The following NPAS3 variants were observed in gnomAD, a reference collection of about 807,000 sequenced individuals.
NPAS3 encodes the protein neuronal PAS domain-containing protein 3.
Under a neutral mutation model 73.1 loss-of-function variants are expected in NPAS3, and 14 were observed. The observed-to-expected ratio is 0.19, with a 90% confidence interval of 0.13 to 0.30. NPAS3 has a LOEUF of 0.30. Among genes scored for constraint, NPAS3 ranks in the 10% least tolerant of loss-of-function variants. The pLI is 1.00. For synonymous variants in NPAS3, 620 were observed against 541.5 expected (o/e 1.14, Z -2.01); for missense variants, 1,096 against 1,250.0 (o/e 0.88, Z 1.86).
intron 1 of NPAS3, among the ~76,000 whole-genome samples, chr14:33,000,324 A>G (rs1042458573): frequency 6.6e-6 from 1 of 152,188 alleles, no homozygotes; most frequent in Non-Finnish European, 1.5e-5. Flanking sequence ...TTCAGGCTCA[A>G]ATGCCGACTA....
intron 6 of NPAS3, among the ~76,000 whole-genome samples, chr14:33,711,269 C>G: frequency 6.6e-6 from 1 of 152,172 alleles, no homozygotes; most frequent in East Asian, 1.9e-4. Flanking sequence ...ATTTTGAATT[C>G]AGCATGCAGT....
At chr14:33,516,363 G>T (rs184604644) in intron 4 of NPAS3, among the ~76,000 whole-genome samples, 3 of 152,138 alleles carry the variant, frequency 2.0e-5, no homozygotes, top group Non-Finnish European at 4.4e-5. Flanking sequence ...TTCTTTACTT[G>T]CTTAGTCTGT....
chr14:33,354,325 A>G (rs1323497993), intron 3 of NPAS3, among the ~76,000 whole-genome samples: 1 of 152,076 alleles, frequency 6.6e-6, no homozygotes, highest in Admixed American at 6.5e-5. Context: ...CAAGATCTTC[A>G]GGGCTCTCCC....
chr14:33,239,864 T>G (rs915708859), intron 3 of NPAS3, among the ~76,000 whole-genome samples: 4 of 72,710 alleles, frequency 5.5e-5, no homozygotes, highest in African/African-American at 2.2e-4. Context: ...TTAGAAATAG[T>G]TTTTTTTTCA....
chr14:33,246,021 A>T (rs1239349049), intron 3 of NPAS3, among the ~76,000 whole-genome samples: 1 of 151,688 alleles, frequency 6.6e-6, no homozygotes, highest in African/African-American at 2.4e-5. Context: ...ACAACTTTAT[A>T]GTTGGCAGTG....
chr14:33,497,898 G>T (rs550407052), intron 4 of NPAS3, among the ~76,000 whole-genome samples: 1 of 152,116 alleles, frequency 6.6e-6, no homozygotes, highest in Non-Finnish European at 1.5e-5. Flanking sequence ...GACCGTCAGA[G>T]TGAACAGGCA....
rs752031354 is a variant in NPAS3 at position 33,517,587 on chromosome 14, C to A, written c.469-42534C>A. ...TCTCCCACACCTGTAAAGCTTCTCTCTAAAGGTTCAACTCAGGCATCATTT... is the reference window on the plus strand; with the variant it reads ...TCTCCCACACCTGTAAAGCTTCTCTATAAAGGTTCAACTCAGGCATCATTT... On this transcript the variant is annotated intron_variant, in intron 4 of 11. Transcript: ENST00000356141. Among the ~76,000 whole-genome samples, 4 of 152,186 alleles carry A rather than the reference C, an allele frequency of 2.6e-5. No individual in the cohort carries two copies. The East Asian group carries it at 5.8e-4, about 22-fold the overall frequency.
chr14:33,526,274 C>T (rs2053797852), intron 4 of NPAS3, among the ~76,000 whole-genome samples: 1 of 145,286 alleles, frequency 6.9e-6, no homozygotes, highest in Non-Finnish European at 1.5e-5. Context: ...ATAATAAACT[C>T]ACAGTATACT....
rs145943051 is a variant in NPAS3 at position 33,778,085 on chromosome 14, G to A, written c.1047-381G>A. 5.8e-3 allele frequency among the ~76,000 whole-genome samples: 887 copies of A among 152,240 alleles called. 10 individuals are homozygous for A. Among genetic ancestry groups the A allele is most frequent in the Non-Finnish European group, 8.8e-3 (598 of 68,022 alleles). On this transcript the variant is annotated intron_variant, in intron 8 of 11. Coordinates refer to ENST00000356141, the Ensembl canonical transcript of NPAS3. ...AATGAAAGGTGTCTCTAATCATTTGGTATAAACATAACATGTTTTTATTTT... is the reference window on the plus strand; with the variant it reads ...AATGAAAGGTGTCTCTAATCATTTGATATAAACATAACATGTTTTTATTTT...
rs368102183 is a variant in NPAS3, at chr14:33,800,404, T to G, written c.2097T>G (p.Gly699=). ...TCCCGTCCCCGCAGGGCGGCGGCGG[T>G]GGGGGTGGCGGTGGCGGGGGGCTGC... The change falls in exon 12 of 12, where the codon GGT becomes GGG. Residue 699 remains glycine (G), a synonymous_variant. Transcript: ENST00000356141. This position sits in a 1 kb window ranked among gnomAD's most constrained non-coding sequence, Gnocchi z 6.5. 1,001 of 1,590,350 alleles carry G rather than the reference T, an allele frequency of 6.3e-4. 5 individuals are homozygous for G. The Middle Eastern group carries it at 0.017, about 27-fold the overall frequency.
chr14:33,800,961 TCG>T lies in NPAS3; in HGVS notation c.2655_2656del (p.Phe885LeufsTer8). The T allele has an allele frequency of 6.2e-7, 1 of 1,600,228 alleles. No homozygotes were observed. Among genetic ancestry groups the T allele is most frequent in the Non-Finnish European group, 8.5e-7 (1 of 1,174,190 alleles). On this transcript the variant is annotated frameshift_variant, in exon 12 of 12. Coordinates refer to ENST00000356141, the Ensembl canonical transcript of NPAS3. LOFTEE classifies it high-confidence loss of function. The surrounding 1 kb of genome is among the most constrained non-coding windows in gnomAD (Gnocchi z 6.5). The stretch of plus-strand genomic sequence containing the variant: ...CACCGGCTCAACATGTCAGGACCGT[TCG>T]GCGGCGCAGTGAGCGCAGCTAGCCT...
rs575583978 is a variant in NPAS3 at position 33,428,947 on chromosome 14, A to T, written c.468+61679A>T. On this transcript the variant is annotated intron_variant, in intron 4 of 11. Coordinates refer to ENST00000356141, the Ensembl canonical transcript of NPAS3. ...TTCACTATTTTTAAGGAATAGTAAT[A>T]AAACTAGACACTATTTGGAGAAAAG... 9.9e-5 allele frequency among the ~76,000 whole-genome samples: 15 copies of T among 152,262 alleles called. No homozygotes were observed. The South Asian group carries it at 3.1e-3, about 32-fold the overall frequency.
intron 3 of NPAS3, among the ~76,000 whole-genome samples, chr14:33,232,357 ATCAC>A (rs762198839): frequency 6.6e-6 from 1 of 152,318 alleles, no homozygotes; most frequent in Non-Finnish European, 1.5e-5. Flanking sequence ...TGCACACTTC[ATCAC>A]TCACTCTTAG....
At chr14:33,595,721 A>G (rs946829165) in intron 5 of NPAS3, among the ~76,000 whole-genome samples, 1 of 152,086 alleles carries the variant, frequency 6.6e-6, no homozygotes, top group Non-Finnish European at 1.5e-5. Flanking sequence ...TCCAGGCTGG[A>G]GTGCAGTGGC....
intron 7 of NPAS3, among the ~76,000 whole-genome samples, chr14:33,738,411 C>T (rs1261887726): frequency 6.6e-6 from 1 of 152,098 alleles, no homozygotes; most frequent in Non-Finnish European, 1.5e-5. Flanking sequence ...AAACTTCTTG[C>T]CTGATTGAGA....
chr14:33,746,829 G>A (rs1047687057), intron 7 of NPAS3, among the ~76,000 whole-genome samples: 6 of 151,748 alleles, frequency 4.0e-5, no homozygotes, highest in South Asian at 4.2e-4. Flanking sequence ...GTGCCATGCC[G>A]GTGTGCTGCA....
chr14:33,456,536 C>G (rs1566919870), intron 4 of NPAS3, among the ~76,000 whole-genome samples: 2 of 152,150 alleles, frequency 1.3e-5, no homozygotes, highest in Non-Finnish European at 1.5e-5. Flanking sequence ...ATAAGAAGAC[C>G]AGTCCTCAAC....
chr14:33,416,416 C>T (rs368842300), intron 4 of NPAS3, among the ~76,000 whole-genome samples: 16 of 152,084 alleles, frequency 1.1e-4, no homozygotes, highest in East Asian at 7.7e-4. Flanking sequence ...ACTTCCATAA[C>T]GTGTTTCTGG....
intron 4 of NPAS3, among the ~76,000 whole-genome samples, chr14:33,382,078 G>T (rs1305585450): frequency 6.6e-6 from 1 of 152,118 alleles, no homozygotes; most frequent in Non-Finnish European, 1.5e-5. Context: ...GGGGCAGTTA[G>T]CCTGATTTTC....
Sources: allele counts gnomAD v4.1 joint callset (sites outside exome capture counted in the v4.1 genomes callset), GRCh38; gene constraint gnomAD v4.1.1; non-coding constraint Gnocchi (gnomAD v3.1); transcripts MANE v1.5; gene names NCBI Gene and HGNC (gene_info 2026-07-23, HGNC 2026-07-21).